The following PDE1A variants were observed in gnomAD, a reference collection of about 807,000 sequenced individuals.
PDE1A encodes phosphodiesterase 1A.
A neutral mutation model predicts 61.7 loss-of-function variants in PDE1A; 35 were observed. That is an observed-to-expected ratio of 0.57 (90% CI 0.43 to 0.75). The LOEUF (loss-of-function observed/expected upper bound fraction) is 0.75. PDE1A is among the 30% of genes least tolerant of loss of function. The pLI is 0.00. For missense variants in PDE1A, 597 were observed against 630.6 expected (o/e 0.95, Z 0.57); for synonymous variants, 232 against 213.2 (o/e 1.09, Z -0.77).
chr2:182,577,547 G>C, the PDE1A span, among the ~76,000 whole-genome samples: 1 of 152,202 alleles, frequency 6.6e-6, no homozygotes, highest in Non-Finnish European at 1.5e-5. Flanking sequence ...TCACTGTTTA[G>C]AATAACTAAA....
At chr2:182,482,020 T>C (rs1332333029) in intron 2 of PDE1A, among the ~76,000 whole-genome samples, 1 of 151,960 alleles carries the variant, frequency 6.6e-6, no homozygotes, top group Non-Finnish European at 1.5e-5. Flanking sequence ...TTCTAACATA[T>C]AGTCTCTGTC....
intron 1 of PDE1A, among the ~76,000 whole-genome samples, chr2:182,333,538 C>G (rs1422094629): frequency 6.6e-6 from 1 of 152,100 alleles, no homozygotes; most frequent in African/African-American, 2.4e-5. Context: ...CCAATGAGAA[C>G]AAAGACACAA....
chr2:182,203,098 G>A (rs979003099), intron 8 of PDE1A, among the ~76,000 whole-genome samples: 59 of 152,180 alleles, frequency 3.9e-4, no homozygotes, highest in African/African-American at 1.4e-3. Context: ...GGTGGATCAC[G>A]AGGTCAGGAG....
intron 11 of PDE1A, among the ~76,000 whole-genome samples, chr2:182,186,837 T>C (rs1354576431): frequency 6.6e-6 from 1 of 152,220 alleles, no homozygotes; most frequent in South Asian, 2.1e-4. Flanking sequence ...CTCAAGTATA[T>C]TGGCTTTTCT....
intron 1 of PDE1A, among the ~76,000 whole-genome samples, chr2:182,291,764 A>G (rs1694547589): frequency 6.6e-6 from 1 of 152,194 alleles, no homozygotes; most frequent in Non-Finnish European, 1.5e-5. Context: ...GGATAAAGAC[A>G]GAGCTGGGGG....
At chr2:182,197,550 C>A (rs1686239517) in intron 10 of PDE1A, among the ~76,000 whole-genome samples, 1 of 151,234 alleles carries the variant, frequency 6.6e-6, no homozygotes, top group African/African-American at 2.4e-5. Flanking sequence ...TCTTAAACTC[C>A]TTAATTTTGA....
intron 2 of PDE1A, among the ~76,000 whole-genome samples, chr2:182,242,365 A>G (rs2125696523): frequency 6.6e-6 from 1 of 152,320 alleles, no homozygotes; most frequent in Non-Finnish European, 1.5e-5. Flanking sequence ...ATATAATTTT[A>G]GGGAGAAATA....
chr2:182,468,446 G>T (rs887462256), intron 2 of PDE1A, among the ~76,000 whole-genome samples: 3 of 151,902 alleles, frequency 2.0e-5, no homozygotes, highest in Admixed American at 2.0e-4. Context: ...TTACAAGATT[G>T]AAGTAATTTG....
intron 1 of PDE1A, among the ~76,000 whole-genome samples, chr2:182,289,119 C>T (rs546895093): frequency 5.1e-4 from 78 of 152,080 alleles, no homozygotes; most frequent in African/African-American, 1.9e-3. Flanking sequence ...AAGTTAGAAT[C>T]CCCACCCACT....
the PDE1A span, among the ~76,000 whole-genome samples, chr2:182,561,993 C>T: frequency 2.6e-5 from 4 of 151,726 alleles, no homozygotes; most frequent in Non-Finnish European, 5.9e-5. Flanking sequence ...ACAATCATGT[C>T]GTCTGCAAAC....
chr2:182,359,188 T>G (rs1297381049), intron 1 of PDE1A, among the ~76,000 whole-genome samples: 1 of 152,160 alleles, frequency 6.6e-6, no homozygotes, highest in Non-Finnish European at 1.5e-5. Flanking sequence ...TAAATCTAAG[T>G]TAACTTTACA....
rs977137092 is a variant in PDE1A, at chr2:182,402,159, G to A, written c.53+24419C>T. On this transcript the variant is annotated intron_variant, in intron 1 of 13. Transcript: ENST00000351439. ...AGCTACCACTGACTTTCTTCAGAGA[G>A]TTAGAAAAAAAATACTTTAAATTTC... Among the ~76,000 whole-genome samples the A allele has an allele frequency of 4.0e-4, 61 of 152,006 alleles. 2 individuals carry two copies. The highest frequency in any genetic ancestry group is 1.5e-4 in the Non-Finnish European group (10 of 67,962).
the PDE1A span, among the ~76,000 whole-genome samples, chr2:182,588,367 C>T: frequency 6.6e-6 from 1 of 152,144 alleles, no homozygotes; most frequent in African/African-American, 2.4e-5. Flanking sequence ...CTTTCTCTCA[C>T]AGGTGAACAA....
At chr2:182,481,252 C>T (rs1232672946) in intron 2 of PDE1A, among the ~76,000 whole-genome samples, 1 of 151,772 alleles carries the variant, frequency 6.6e-6, no homozygotes, top group African/African-American at 2.4e-5. Context: ...TGTAAAAAAG[C>T]AGTTTTATGT....
At chr2:182,296,027 T>C (rs1166737619) in intron 1 of PDE1A, among the ~76,000 whole-genome samples, 1 of 152,170 alleles carries the variant, frequency 6.6e-6, no homozygotes, top group African/African-American at 2.4e-5. Context: ...TCACAATTGG[T>C]TGAATATTTT....
intron 2 of PDE1A, among the ~76,000 whole-genome samples, chr2:182,445,663 G>C (rs1316249043): frequency 1.3e-5 from 2 of 152,082 alleles, no homozygotes; most frequent in Non-Finnish European, 2.9e-5. Flanking sequence ...AAATACCATA[G>C]AGCTTTTAAT....
the PDE1A span, among the ~76,000 whole-genome samples, chr2:182,621,596 T>G: frequency 6.7e-6 from 1 of 148,190 alleles, no homozygotes; most frequent in East Asian, 2.0e-4. Context: ...TTTTTTTTTT[T>G]GGTTATCATT....
chr2:182,222,436 G>A (rs926478120), intron 7 of PDE1A, among the ~76,000 whole-genome samples: 10 of 151,920 alleles, frequency 6.6e-5, no homozygotes, highest in African/African-American at 2.2e-4. Flanking sequence ...TTTTAGGGCC[G>A]TGAAACTATT....
At chr2:182,160,208 C>T (rs537364246) in intron 13 of PDE1A, among the ~76,000 whole-genome samples, 1 of 152,240 alleles carries the variant, frequency 6.6e-6, no homozygotes, top group Admixed American at 6.5e-5. Flanking sequence ...TGCTCCCTCC[C>T]TGGGTGTAAT....
Sources: gnomAD v4.1 joint callset for allele counts (sites outside exome capture counted in the v4.1 genomes callset) on GRCh38, gnomAD v4.1.1 for gene constraint, MANE v1.5 for transcripts, NCBI Gene and HGNC (gene_info 2026-07-23, HGNC 2026-07-21) for gene names.